Variants in CTNNA3 observed in about 807,000 individuals in gnomAD.
The protein encoded by CTNNA3 is catenin alpha 3, also known as catenin alpha-3.
In CTNNA3, 76 loss-of-function variants were observed where a neutral mutation model predicts 95.7. The ratio of observed to expected loss-of-function variants is 0.79; its 90% confidence interval spans 0.66 to 0.96. CTNNA3 has a LOEUF of 0.96. CTNNA3 is among the 40% of genes least tolerant of loss of function. The probability of loss-of-function intolerance (pLI) is 0.00; values close to 1 mark genes in which losing one functional copy is unlikely to be tolerated. For missense variants in CTNNA3, 1,191 were observed against 1,089.8 expected, an observed-to-expected ratio of 1.09 and a Z score of -1.31; for synonymous variants, 431 against 374.4, an observed-to-expected ratio of 1.15 and a Z score of -1.74.
intron 9 of CTNNA3, among the ~76,000 whole-genome samples, chr10:66,659,844 C>T (rs949094491): frequency 4.6e-5 from 7 of 152,114 alleles, no homozygotes; most frequent in Admixed American, 6.5e-5. Context: ...AATAAACTTC[C>T]GCTGTTTATA....
chr10:66,010,686 T>G (rs1433189680), intron 15 of CTNNA3, among the ~76,000 whole-genome samples: 1 of 152,212 alleles, frequency 6.6e-6, no homozygotes, highest in Admixed American at 6.5e-5. Flanking sequence ...ATGTATGATT[T>G]AATTTTCCTT....
chr10:65,981,603 T>C (rs2078321037), intron 16 of CTNNA3, among the ~76,000 whole-genome samples: 1 of 151,806 alleles, frequency 6.6e-6, no homozygotes. Context: ...AACTATATTA[T>C]AAGGCCATAG....
chr10:67,355,900 A>C (rs1842790577), intron 5 of CTNNA3, among the ~76,000 whole-genome samples: 1 of 151,984 alleles, frequency 6.6e-6, no homozygotes, highest in Admixed American at 6.6e-5. Context: ...TCCAAGTCAC[A>C]CTGCCCTTCT....
chr10:66,379,186 A>G lies in CTNNA3; in HGVS notation c.1698T>C (p.Gly566=). The G allele has an allele frequency of 2.5e-6, 4 of 1,614,088 alleles. No individual in the cohort carries two copies. The highest frequency in any genetic ancestry group is 3.4e-6 in the Non-Finnish European group (4 of 1,179,964). The part of the protein sequence containing the change: ...DSYEPGAYTE[G]VMRNVNFLTS... The stretch of plus-strand genomic sequence containing the variant: ...TAAGGAAGTTAACATTTCTCATTAC[A>G]CCTTCCGTGTAAGCCCCTGGCTCGT... The change falls in exon 12 of 18, where the codon GGT becomes GGC. Residue 566 remains glycine (G), a synonymous_variant. Coordinates refer to ENST00000433211, the MANE Select transcript of CTNNA3 (RefSeq NM_013266.4).
rs531483155 is a variant in CTNNA3, at chr10:67,070,114, T to G, written c.1047+110203A>C. 1.4e-4 allele frequency among the ~76,000 whole-genome samples: 22 copies of G among 152,336 alleles called. No homozygotes were observed. In the East Asian group the frequency reaches 4.1e-3, roughly 28 times the overall value. On this transcript the variant is annotated intron_variant, in intron 7 of 17. Transcript: ENST00000433211. ...CTCGTCAGTGTGTAGTATTATCACA[T>G]TTTGACTTAATTTGCATTAGTATAA...
chr10:66,693,201 G>C (rs576998881), intron 9 of CTNNA3, among the ~76,000 whole-genome samples: 75 of 152,212 alleles, frequency 4.9e-4, no homozygotes, highest in Admixed American at 1.7e-3. Flanking sequence ...TCAATGTGCT[G>C]TATTCAGGAA....
chr10:66,958,727 A>G (rs1848964247), intron 7 of CTNNA3, among the ~76,000 whole-genome samples: 1 of 152,100 alleles, frequency 6.6e-6, no homozygotes, highest in African/African-American at 2.4e-5. Context: ...AACACTCACT[A>G]TCCTACTACT....
At chr10:67,555,936 C>G (rs1043920409) in intron 3 of CTNNA3, among the ~76,000 whole-genome samples, 1 of 152,040 alleles carries the variant, frequency 6.6e-6, no homozygotes, top group African/African-American at 2.4e-5. Context: ...CAATGAATAC[C>G]TAATTTATTG....
intron 12 of CTNNA3, among the ~76,000 whole-genome samples, chr10:66,302,955 A>T (rs1303878469): frequency 2.0e-5 from 3 of 152,150 alleles, no homozygotes; most frequent in Non-Finnish European, 4.4e-5. Context: ...TTATTTACAG[A>T]TTAAAAGGGA....
intron 2 of CTNNA3, among the ~76,000 whole-genome samples, chr10:67,641,195 A>C (rs1839519634): frequency 4.6e-5 from 7 of 152,220 alleles, no homozygotes; most frequent in Admixed American, 4.6e-4. Context: ...AAGTGGGCAA[A>C]GGATATGAAC....
At chr10:65,987,851 G>A (rs140087432) in intron 16 of CTNNA3, among the ~76,000 whole-genome samples, 23 of 152,008 alleles carry the variant, frequency 1.5e-4, no homozygotes, top group Non-Finnish European at 3.1e-4. Flanking sequence ...GGAATATTCA[G>A]GCACAAAGAA....
chr10:67,352,644 C>G (rs768321241), intron 5 of CTNNA3, among the ~76,000 whole-genome samples: 1 of 151,970 alleles, frequency 6.6e-6, no homozygotes, highest in Non-Finnish European at 1.5e-5. Flanking sequence ...GTGATCATAT[C>G]TAACACATAA....
rs540529866 is a variant in CTNNA3, at chr10:66,112,848, A to G, written c.1885-9599T>C. Among the ~76,000 whole-genome samples the G allele has an allele frequency of 4.6e-5, 7 of 152,096 alleles. No homozygotes were observed. In the South Asian group the frequency reaches 1.5e-3, roughly 32 times the overall value. On this transcript the variant is annotated intron_variant, in intron 13 of 17. Coordinates refer to ENST00000433211, the MANE Select transcript of CTNNA3 (RefSeq NM_013266.4). ...TTGTATTCCATCTTACAAGTTTATC[A>G]CATTTTAGTTACCCTTTCATCTGTC...
intron 6 of CTNNA3, among the ~76,000 whole-genome samples, chr10:67,197,971 A>G (rs1462697133): frequency 6.6e-6 from 1 of 152,170 alleles, no homozygotes; most frequent in Non-Finnish European, 1.5e-5. Context: ...TACACTCTGG[A>G]GTACTGCCCA....
intron 9 of CTNNA3, among the ~76,000 whole-genome samples, chr10:66,671,619 T>C (rs1278706498): frequency 6.6e-6 from 1 of 152,192 alleles, no homozygotes; most frequent in East Asian, 1.9e-4. Flanking sequence ...AAAATGTTTT[T>C]AGTTACTGAC....
At chr10:66,894,446 T>C (rs111948569) in intron 7 of CTNNA3, among the ~76,000 whole-genome samples, 2,061 of 152,170 alleles carry the variant, frequency 0.014, 52 homozygotes, top group African/African-American at 0.047. Flanking sequence ...TATGTCAAAA[T>C]GTTACAAAAT....
At chr10:67,362,594 C>T (rs1336752870) in intron 5 of CTNNA3, among the ~76,000 whole-genome samples, 4 of 150,324 alleles carry the variant, frequency 2.7e-5, no homozygotes, top group Non-Finnish European at 4.5e-5. Context: ...AAAAACCTAA[C>T]GAGCATATCT....
rs192957702 is a variant in CTNNA3 at position 66,071,844 on chromosome 10, G to A, written c.1978-2355C>T. Among the ~76,000 whole-genome samples, 424 of 152,252 alleles carry A rather than the reference G, an allele frequency of 2.8e-3. 2 individuals are homozygous for A. The highest frequency in any genetic ancestry group is 9.7e-3 in the African/African-American group (402 of 41,556). On this transcript the variant is annotated intron_variant, in intron 14 of 17. Coordinates refer to ENST00000433211, the MANE Select transcript of CTNNA3 (RefSeq NM_013266.4). Reference sequence around the variant, plus strand: ...TAGATTCAGTTCTTTACTCTCTGCAGTGAATCTCAGAACTCTATTTATAAT... The same window carrying A: ...TAGATTCAGTTCTTTACTCTCTGCAATGAATCTCAGAACTCTATTTATAAT...
chr10:66,362,606 G>A lies in CTNNA3; in HGVS notation c.1732+16546C>T, dbSNP rs544331073. Among the ~76,000 whole-genome samples, 54 of 151,858 alleles carry A rather than the reference G, an allele frequency of 3.6e-4. 1 individual carries two copies. The highest frequency in any genetic ancestry group is 1.1e-3 in the African/African-American group (45 of 41,468). The stretch of plus-strand genomic sequence containing the variant: ...TGTATGCCAGTAGTCCCAGATACTC[G>A]GGAGGTTGAAGTGGGAGAATCACTT... On this transcript the variant is annotated intron_variant, in intron 12 of 17. Coordinates refer to ENST00000433211, the MANE Select transcript of CTNNA3 (RefSeq NM_013266.4).
Sources: gnomAD v4.1 joint callset for allele counts (sites outside exome capture counted in the v4.1 genomes callset) on GRCh38, gnomAD v4.1.1 for gene constraint, MANE v1.5 for transcripts, NCBI Gene and HGNC (gene_info 2026-07-23, HGNC 2026-07-21) for gene names.